Variants in SGCZ observed in about 807,000 individuals in gnomAD.
SGCZ encodes the protein zeta-sarcoglycan.
A neutral mutation model predicts 41.3 loss-of-function variants in SGCZ; 40 were observed. That is an observed-to-expected ratio of 0.97 (90% CI 0.75 to 1.26). The LOEUF is 1.26. Ranked by LOEUF, SGCZ falls within the 50% of genes most tolerant of loss-of-function variation. The pLI is 0.00. For synonymous variants in SGCZ, 206 were observed against 137.5 expected (o/e 1.50, Z -3.49); for missense variants, 552 against 369.8 (o/e 1.49, Z -4.04).
chr8:14,130,653 A>T (rs1803012644), intron 5 of SGCZ, among the ~76,000 whole-genome samples: 1 of 152,202 alleles, frequency 6.6e-6, no homozygotes, highest in East Asian at 1.9e-4. Context: ...CTTTTAATAA[A>T]AAGCAGCCAC....
At chr8:14,169,836 ACCT>A (rs1316401552) in intron 4 of SGCZ, among the ~76,000 whole-genome samples, 1 of 152,136 alleles carries the variant, frequency 6.6e-6, no homozygotes, top group Non-Finnish European at 1.5e-5. Context: ...GGCTAGCTGT[ACCT>A]CCATATGGAT....
intron 4 of SGCZ, among the ~76,000 whole-genome samples, chr8:14,224,967 A>G (rs964930682): frequency 5.3e-4 from 81 of 152,266 alleles, no homozygotes; most frequent in African/African-American, 1.9e-3. Context: ...CATTTTCTAC[A>G]TGCAGCCAGT....
At chr8:14,935,205 G>A (rs575188019) in intron 1 of SGCZ, among the ~76,000 whole-genome samples, 2 of 151,736 alleles carry the variant, frequency 1.3e-5, no homozygotes, top group East Asian at 3.9e-4. Flanking sequence ...TTTTTATAAA[G>A]TAGATGTTAT....
chr8:14,442,603 T>C (rs1210748062), intron 2 of SGCZ, among the ~76,000 whole-genome samples: 2 of 152,210 alleles, frequency 1.3e-5, no homozygotes, highest in African/African-American at 2.4e-5. Flanking sequence ...CAAAGTTTTG[T>C]TCAAATTATG....
chr8:15,036,942 G>A (rs938734300), intron 1 of SGCZ, among the ~76,000 whole-genome samples: 3 of 152,168 alleles, frequency 2.0e-5, no homozygotes, highest in Middle Eastern at 3.4e-3. Context: ...AATAATATAC[G>A]AAAATCTTTA....
chr8:14,594,483 A>G lies in SGCZ; in HGVS notation c.40-39557T>C, dbSNP rs146879410. Among the ~76,000 whole-genome samples, 7 of 152,228 alleles carry G rather than the reference A, an allele frequency of 4.6e-5. No individual in the cohort carries two copies. In the East Asian group the frequency reaches 7.7e-4, roughly 17 times the overall value. ...AGTTTTCTTTCTGCCCAATCTCACA[A>G]TTCCACTGGGAGGATCAAACAAGAA... On this transcript the variant is annotated intron_variant, in intron 1 of 7. Coordinates refer to ENST00000382080, the MANE Select transcript of SGCZ (RefSeq NM_139167.4).
intron 1 of SGCZ, among the ~76,000 whole-genome samples, chr8:14,819,452 A>G (rs368174962): frequency 1.3e-5 from 2 of 152,176 alleles, no homozygotes; most frequent in East Asian, 1.9e-4. Flanking sequence ...GGGAAGTCCA[A>G]TCACAAGACT....
At chr8:14,662,562 T>C (rs1433064421) in intron 1 of SGCZ, among the ~76,000 whole-genome samples, 1 of 152,176 alleles carries the variant, frequency 6.6e-6, no homozygotes, top group Non-Finnish European at 1.5e-5. Flanking sequence ...ATACATGTGA[T>C]ACCTTCACTA....
chr8:14,581,995 T>G (rs1804905473), intron 1 of SGCZ, among the ~76,000 whole-genome samples: 1 of 152,138 alleles, frequency 6.6e-6, no homozygotes. Flanking sequence ...CTGCTACTGC[T>G]GAGAAAGAAA....
Position 14,498,145 on chromosome 8 carries a change from A to C in SGCZ, c.234+56587T>G, listed in dbSNP as rs138648432. On this transcript the variant is annotated intron_variant, in intron 2 of 7. Transcript: ENST00000382080. ...CTCTTTGTTGATTTGAATGTCAATAATAATCACTTTTCTCTATCTAGGCAT... is the reference window on the plus strand; with the variant it reads ...CTCTTTGTTGATTTGAATGTCAATACTAATCACTTTTCTCTATCTAGGCAT... Among the ~76,000 whole-genome samples, 322 of 152,304 alleles carry C rather than the reference A, an allele frequency of 2.1e-3. 4 individuals carry two copies. The highest frequency in any genetic ancestry group is 7.3e-3 in the African/African-American group (302 of 41,558).
At chr8:14,295,733 A>T (rs1361205616) in intron 3 of SGCZ, among the ~76,000 whole-genome samples, 1 of 152,138 alleles carries the variant, frequency 6.6e-6, no homozygotes, top group African/African-American at 2.4e-5. Flanking sequence ...GTACTTTCCA[A>T]ATGACAGTGT....
At chr8:14,508,083 T>A (rs1415004209) in intron 2 of SGCZ, among the ~76,000 whole-genome samples, 2 of 150,426 alleles carry the variant, frequency 1.3e-5, no homozygotes, top group Admixed American at 1.3e-4. Context: ...CATTACTTTC[T>A]TCGTGAGATC....
chr8:14,301,168 G>C (rs1191871604), intron 3 of SGCZ, among the ~76,000 whole-genome samples: 1 of 151,762 alleles, frequency 6.6e-6, no homozygotes, highest in African/African-American at 2.4e-5. Flanking sequence ...AATGCATCTA[G>C]TTTAGTATTA....
intron 7 of SGCZ, among the ~76,000 whole-genome samples, chr8:14,100,304 T>C (rs1444237444): frequency 6.6e-6 from 1 of 151,322 alleles, no homozygotes; most frequent in Non-Finnish European, 1.5e-5. Flanking sequence ...AATAAATGAA[T>C]AAAAGAACAT....
intron 1 of SGCZ, among the ~76,000 whole-genome samples, chr8:14,842,822 T>C (rs1199001098): frequency 6.6e-6 from 1 of 152,166 alleles, no homozygotes; most frequent in Non-Finnish European, 1.5e-5. Context: ...CTATTATAGC[T>C]GTTAAAGTTA....
rs372996138 is a variant in SGCZ at position 14,554,724 on chromosome 8, G to T, written c.234+8C>A. The T allele has an allele frequency of 6.2e-7, 1 of 1,608,504 alleles. No homozygotes were observed. Among genetic ancestry groups the T allele is most frequent in the Admixed American group, 1.7e-5 (1 of 59,658 alleles). On this transcript the variant is annotated splice_region_variant and intron_variant, in intron 2 of 7. Coordinates refer to ENST00000382080, the MANE Select transcript of SGCZ (RefSeq NM_139167.4). The stretch of plus-strand genomic sequence containing the variant: ...AGCAATAAGATGTAAAATCATAGTG[G>T]TACTTACCACAGTGAAATTCATAAC...
rs5889525 is a variant in SGCZ at position 14,246,909 on chromosome 8, C to CA, written c.337-9231dup. Among the ~76,000 whole-genome samples, 327 of 84,214 alleles carry CA rather than the reference C, an allele frequency of 3.9e-3. 5 individuals are homozygous for CA. Among genetic ancestry groups the CA allele is most frequent in the African/African-American group, 9.7e-3 (212 of 21,762 alleles). 55.2% of individuals were successfully genotyped at this position (84,214 alleles called of 152,430 possible). Reference sequence around the variant, plus strand: ...TGGGCGACAGAATGAGACTCCATCTCAAAAAAAAAAAAAAAAAAAAAAGTA... The same window carrying CA: ...TGGGCGACAGAATGAGACTCCATCTCAAAAAAAAAAAAAAAAAAAAAAAGTA... On this transcript the variant is annotated intron_variant, in intron 3 of 7. Transcript: ENST00000382080.
chr8:14,671,573 G>C (rs1331790694), intron 1 of SGCZ, among the ~76,000 whole-genome samples: 5 of 152,084 alleles, frequency 3.3e-5, no homozygotes, highest in Non-Finnish European at 7.4e-5. Context: ...CTTTACTTCA[G>C]GGTGCCCAGG....
chr8:15,226,374 G>T (rs1801773475), intron 1 of SGCZ, among the ~76,000 whole-genome samples: 1 of 152,180 alleles, frequency 6.6e-6, no homozygotes, highest in South Asian at 2.1e-4. Flanking sequence ...CTCCGCAAGA[G>T]TGTAACTCAA....
Sources: allele counts gnomAD v4.1 joint callset (sites outside exome capture counted in the v4.1 genomes callset), GRCh38; gene constraint gnomAD v4.1.1; transcripts MANE v1.5; gene names NCBI Gene and HGNC (gene_info 2026-07-23, HGNC 2026-07-21).